Variants in SNTG2 observed in about 807,000 individuals in gnomAD.
SNTG2 encodes syntrophin gamma 2.
SNTG2 carries 74 observed loss-of-function variants against 70.9 expected under a neutral mutation model. That is an observed-to-expected ratio of 1.04 (90% CI 0.86 to 1.27). SNTG2 has a LOEUF of 1.27. SNTG2 is among the 50% of genes most tolerant of loss of function. SNTG2 has a pLI of 0.00. For synonymous variants in SNTG2, 278 were observed against 273.8 expected (o/e 1.02, Z -0.15); for missense variants, 717 against 690.7 (o/e 1.04, Z -0.43).
At chr2:1,021,936 C>CTT (rs71392556) in intron 1 of SNTG2, among the ~76,000 whole-genome samples, 1,330 of 121,086 alleles carry the variant, frequency 0.011, 43 homozygotes, top group African/African-American at 0.029. Flanking sequence ...GTTTTATGTG[C>CTT]TTTTTTTTTT....
At chr2:1,255,885 A>AATATATATATAAAT (rs1305282798) in intron 12 of SNTG2, among the ~76,000 whole-genome samples, 61 of 90,250 alleles carry the variant, frequency 6.8e-4, no homozygotes, top group African/African-American at 1.9e-3. Flanking sequence ...TATATATATA[A>AATATATATATAAAT]ATATATATAA....
intron 6 of SNTG2, chr2:1,158,483 G>A (rs1453429757): frequency 6.6e-6 from 1 of 151,828 alleles, no homozygotes; most frequent in Admixed American, 6.6e-5. Context: ...CCTGGGCTTA[G>A]CTTCTGTAAA....
intron 8 of SNTG2, among the ~76,000 whole-genome samples, chr2:1,208,498 C>G (rs1408462208): frequency 1.3e-5 from 2 of 152,184 alleles, no homozygotes; most frequent in Non-Finnish European, 2.9e-5. Flanking sequence ...ACCTCCGACC[C>G]TTTCGTTGTT....
intron 1 of SNTG2, among the ~76,000 whole-genome samples, chr2:1,071,663 A>G (rs1038422893): frequency 3.9e-4 from 58 of 150,222 alleles, no homozygotes; most frequent in African/African-American, 1.3e-3. Context: ...AAAAAAAAAA[A>G]CTAGAGAAGA....
intron 8 of SNTG2, among the ~76,000 whole-genome samples, chr2:1,206,160 T>G (rs1325587713): frequency 6.6e-6 from 1 of 152,224 alleles, no homozygotes; most frequent in African/African-American, 2.4e-5. Flanking sequence ...TGAGTTGATG[T>G]AAGATTTGGG....
intron 9 of SNTG2, among the ~76,000 whole-genome samples, chr2:1,229,902 C>A (rs572893681): frequency 1.3e-5 from 2 of 152,336 alleles, no homozygotes; most frequent in East Asian, 3.9e-4. Context: ...CGGAGCCCGC[C>A]AAGCCTACGC....
chr2:959,703 G>A lies in SNTG2; in HGVS notation c.72+8635G>A, dbSNP rs536144677. Among the ~76,000 whole-genome samples, 16 of 150,768 alleles carry A rather than the reference G, an allele frequency of 1.1e-4. No homozygotes were observed. In the South Asian group the frequency reaches 3.2e-3, roughly 31 times the overall value. Reference sequence around the variant, plus strand: ...CGTGCAGGCCTTGCCTTTGTGACCCGGGGCTGGAGGCTGCATCTCGGGTGC... The same window carrying A: ...CGTGCAGGCCTTGCCTTTGTGACCCAGGGCTGGAGGCTGCATCTCGGGTGC... On this transcript the variant is annotated intron_variant, in intron 1 of 16. Transcript: ENST00000308624.
chr2:1,141,926 G>A lies in SNTG2; in HGVS notation c.411+4117G>A, dbSNP rs185003615. Among the ~76,000 whole-genome samples, 5 of 150,568 alleles carry A rather than the reference G, an allele frequency of 3.3e-5. No homozygotes were observed. The East Asian group carries it at 1.0e-3, about 30-fold the overall frequency. On this transcript the variant is annotated intron_variant, in intron 6 of 16. Coordinates refer to ENST00000308624, the MANE Select transcript of SNTG2 (RefSeq NM_018968.4). ...CCATGGCAGGCACTGGGGCTCCAAG[G>A]ACGTGGCATCGCCCCAGAGCCAGGG...
In SNTG2 at chr2:1,222,005, CTCTCTGTCTCTCTCTGTCTCTGCCTA is replaced by C. The variant is rs1675082684; in HGVS notation, c.719+12797_719+12822del. ...TCTCTCTCTGTCTCTGTCTCTGTCT[CTCTCTGTCTCTCTCTGTCTCTGCCTA>C]TCTCTGTCTCTCTCTGTCTCTCTCT... is the stretch of plus-strand genomic sequence containing the variant. On this transcript the variant is annotated intron_variant, in intron 9 of 16. Transcript: ENST00000308624. 2.7e-4 allele frequency among the ~76,000 whole-genome samples: 4 copies of C among 15,030 alleles called. 1 individual carries two copies. The highest frequency in any genetic ancestry group is 6.6e-4 in the African/African-American group (3 of 4,554). The allele number at this position is 15,030 out of a possible 152,430, so 9.9% of individuals were successfully genotyped here.
chr2:1,027,816 A>G (rs1201134284), intron 1 of SNTG2, among the ~76,000 whole-genome samples: 1 of 145,954 alleles, frequency 6.9e-6, no homozygotes, highest in African/African-American at 2.5e-5. Flanking sequence ...GAGTAAAGAG[A>G]TAAGCAGGTG....
At position 1,259,406 on chromosome 2, in the gene SNTG2, T is replaced by C. The variant is rs1246200227; in HGVS notation, c.1042T>C (p.Tyr348His). Residue 348 changes from tyrosine to histidine, a missense_variant, in exon 13 of 17, where the codon TAT becomes CAT. Coordinates refer to ENST00000308624, the MANE Select transcript of SNTG2 (RefSeq NM_018968.4). ...CGATTGGGTGCGAGCAGAAAGGACC[T>C]ATCACCTCTGTGAGGTGCTATTTAA... ...TFDWVRAERT[Y>H]HLCEVLFKVH... 5 of 1,613,966 alleles carry C rather than the reference T, an allele frequency of 3.1e-6. No individual in the cohort carries two copies.
intron 16 of SNTG2, chr2:1,341,065 CT>C (rs1209423761): frequency 6.6e-6 from 1 of 152,176 alleles, no homozygotes; most frequent in Non-Finnish European, 1.5e-5. Flanking sequence ...GGAAACGTGC[CT>C]TTCTGAGACC....
intron 4 of SNTG2, among the ~76,000 whole-genome samples, chr2:1,124,578 G>A (rs1667590884): frequency 2.0e-5 from 3 of 152,060 alleles, no homozygotes; most frequent in Admixed American, 2.0e-4. Context: ...TTACAGGCGT[G>A]AGCCACCGCG....
At position 1,367,531 on chromosome 2, in the gene SNTG2, T is replaced by C; in HGVS notation, c.*57T>C. 1 of 1,533,010 alleles carries C rather than the reference T, an allele frequency of 6.5e-7. No homozygotes were observed. Among genetic ancestry groups the C allele is most frequent in the East Asian group, 2.5e-5 (1 of 40,720 alleles). The allele number at this position is 1,533,010 out of a possible 1,614,324, so 95.0% of individuals were successfully genotyped here. On this transcript the variant is annotated 3_prime_UTR_variant, in exon 17 of 17. Transcript: ENST00000308624. ...ATTATTTTCGTAAGAAATGATTCTT[T>C]CCTGCAGAATATTGCAACTTTGTGT...
At chr2:1,218,081 C>G (rs895543083) in intron 9 of SNTG2, among the ~76,000 whole-genome samples, 1 of 152,060 alleles carries the variant, frequency 6.6e-6, no homozygotes, top group Non-Finnish European at 1.5e-5. Flanking sequence ...AAGGGCTGCT[C>G]TCCACCACCA....
chr2:1,031,706 A>G (rs1168843064), intron 1 of SNTG2, among the ~76,000 whole-genome samples: 1 of 151,180 alleles, frequency 6.6e-6, no homozygotes, highest in Non-Finnish European at 1.5e-5. Context: ...AATTTGTTTC[A>G]CATTTCTATG....
chr2:1,161,992 T>C (rs1352743344), intron 6 of SNTG2, among the ~76,000 whole-genome samples: 1 of 139,104 alleles, frequency 7.2e-6, no homozygotes, highest in South Asian at 2.2e-4. Context: ...GAGAATTGTG[T>C]GAACCCGGGA....
chr2:1,355,596 G>A (rs1660806953), intron 16 of SNTG2, among the ~76,000 whole-genome samples: 1 of 152,168 alleles, frequency 6.6e-6, no homozygotes, highest in Admixed American at 6.5e-5. Flanking sequence ...GTTGACTGAT[G>A]TTTAGGCTGT....
At chr2:1,094,248 C>A (rs376075588) in intron 2 of SNTG2, among the ~76,000 whole-genome samples, 7 of 54,136 alleles carry the variant, frequency 1.3e-4, no homozygotes, top group African/African-American at 2.6e-4. Context: ...GGGCCAGCTT[C>A]CTGGCCTGCA....
Sources: allele counts gnomAD v4.1 joint callset (sites outside exome capture counted in the v4.1 genomes callset), GRCh38; gene constraint gnomAD v4.1.1; transcripts MANE v1.5; gene names NCBI Gene and HGNC (gene_info 2026-07-23, HGNC 2026-07-21).